Variants in COLEC12 observed in about 807,000 individuals in gnomAD.
COLEC12 encodes the protein collectin subfamily member 12.
Under a neutral mutation model 71.1 loss-of-function variants are expected in COLEC12, and 33 were observed. The observed-to-expected ratio is 0.46, with a 90% CI of 0.35 to 0.62. COLEC12 has a LOEUF of 0.62. Among genes scored for constraint, COLEC12 ranks in the 20% least tolerant of loss-of-function variants. COLEC12 has a pLI of 0.00. For synonymous variants in COLEC12, 350 were observed against 353.0 expected (o/e 0.99, Z 0.10); for missense variants, 765 against 916.1 (o/e 0.84, Z 2.13).
At chr18:496,199 G>C (rs896022531) in intron 1 of COLEC12, among the ~76,000 whole-genome samples, 4 of 152,172 alleles carry the variant, frequency 2.6e-5, no homozygotes. Context: ...GAGATACTCT[G>C]TTATGACATA....
At chr18:337,240 G>T (rs62089625) in intron 5 of COLEC12, among the ~76,000 whole-genome samples, 16,160 of 151,482 alleles carry the variant, frequency 0.11, 1,038 homozygotes, top group South Asian at 0.17. Flanking sequence ...ATGGAGGATG[G>T]ATGGCAGATC....
At chr18:410,357 A>G (rs1013536448) in intron 2 of COLEC12, among the ~76,000 whole-genome samples, 2 of 152,210 alleles carry the variant, frequency 1.3e-5, no homozygotes, top group Admixed American at 6.5e-5. Context: ...GGAAACAAAC[A>G]TAAGAAGACT....
At chr18:443,904 T>C (rs1338346428) in intron 2 of COLEC12, among the ~76,000 whole-genome samples, 1 of 152,028 alleles carries the variant, frequency 6.6e-6, no homozygotes, top group African/African-American at 2.4e-5. Context: ...GTGTGGAGTC[T>C]CCTCCCCACT....
Position 378,974 on chromosome 18 carries a change from G to A in COLEC12, c.59-21452C>T, listed in dbSNP as rs574837075. 2.6e-5 allele frequency among the ~76,000 whole-genome samples: 4 copies of A among 152,212 alleles called. No individual in the cohort carries two copies. The South Asian group carries it at 8.3e-4, about 32-fold the overall frequency. ...CCAGCCATAATCCTGAATGGCCTTG[G>A]GTGAGGATTGAGCCACGCCGGTGGA... On this transcript the variant is annotated intron_variant, in intron 2 of 9. Transcript: ENST00000400256.
At chr18:369,436 T>TA (rs1201717552) in intron 2 of COLEC12, among the ~76,000 whole-genome samples, 1 of 129,142 alleles carries the variant, frequency 7.7e-6, no homozygotes, top group African/African-American at 2.9e-5. Flanking sequence ...TTTTTATTTT[T>TA]TTTTGGAATA....
At chr18:427,987 G>A (rs752953525) in intron 2 of COLEC12, among the ~76,000 whole-genome samples, 1 of 152,124 alleles carries the variant, frequency 6.6e-6, no homozygotes, top group East Asian at 1.9e-4. Flanking sequence ...TTTCCTGGCC[G>A]GGCGTGGTGG....
At chr18:412,212 C>G (rs1298864930) in intron 2 of COLEC12, among the ~76,000 whole-genome samples, 2 of 151,962 alleles carry the variant, frequency 1.3e-5, no homozygotes, top group African/African-American at 4.8e-5. Context: ...ATTTTAAAAG[C>G]AGCAAGATAA....
chr18:379,818 C>T (rs543739905), intron 2 of COLEC12, among the ~76,000 whole-genome samples: 9 of 152,096 alleles, frequency 5.9e-5, no homozygotes, highest in Middle Eastern at 3.4e-3. Context: ...TTCATCAACC[C>T]GACATGTGAG....
At chr18:445,994 A>G (rs1212941446) in intron 2 of COLEC12, among the ~76,000 whole-genome samples, 1 of 152,180 alleles carries the variant, frequency 6.6e-6, no homozygotes, top group African/African-American at 2.4e-5. Flanking sequence ...TGGAATCATA[A>G]TATGTGGCCT....
chr18:385,433 T>C (rs1042725082), intron 2 of COLEC12, among the ~76,000 whole-genome samples: 1 of 150,658 alleles, frequency 6.6e-6, no homozygotes, highest in Non-Finnish European at 1.5e-5. Context: ...CAAGCGATTC[T>C]CCTGCCTCAG....
At chr18:494,212 A>G (rs1176970571) in intron 1 of COLEC12, among the ~76,000 whole-genome samples, 1 of 152,180 alleles carries the variant, frequency 6.6e-6, no homozygotes, top group Non-Finnish European at 1.5e-5. Context: ...TCTATCCCTG[A>G]GGTCTGTTTT....
At chr18:348,768 T>C (rs1482661196) in intron 3 of COLEC12, among the ~76,000 whole-genome samples, 1 of 152,254 alleles carries the variant, frequency 6.6e-6, no homozygotes, top group Non-Finnish European at 1.5e-5. Context: ...AGTTCTCAAG[T>C]AGATGCCTGA....
chr18:352,506 T>TA (rs1458091139), intron 3 of COLEC12, among the ~76,000 whole-genome samples: 1 of 151,920 alleles, frequency 6.6e-6, no homozygotes, highest in African/African-American at 2.4e-5. Flanking sequence ...ATACATTCAT[T>TA]AAAAAAAAGA....
At chr18:320,580 C>T (rs1014513185) in intron 9 of COLEC12, among the ~76,000 whole-genome samples, 2 of 152,180 alleles carry the variant, frequency 1.3e-5, no homozygotes, top group South Asian at 2.1e-4. Context: ...TTTATATGAA[C>T]AGCTTTATTG....
At chr18:335,277 G>A (rs767654702) in intron 5 of COLEC12, 47 bp from the exon 6 acceptor site, 2 of 1,539,172 alleles carry the variant, frequency 1.3e-6, no homozygotes, top group South Asian at 1.2e-5. Context: ...CACTGTGAAT[G>A]ATAGTTATGA....
At position 346,169 on chromosome 18, in the gene COLEC12, G is replaced by T; in HGVS notation, c.1327+126C>A. The T allele has an allele frequency of 1.4e-6, 1 of 712,740 alleles. No individual in the cohort carries two copies. The highest frequency in any genetic ancestry group is 2.3e-6 in the Non-Finnish European group (1 of 436,042). The allele number at this position is 712,740 out of a possible 1,614,324, so 44.2% of individuals were successfully genotyped here. A position where few individuals can be genotyped will look rare whatever the true frequency, so the allele number is the denominator to read the frequency against. On this transcript the variant is annotated intron_variant, in intron 5 of 9. Transcript: ENST00000400256. This position sits in a 1 kb window ranked among gnomAD's most constrained non-coding sequence, Gnocchi z 4.0. ...AGGACCATCTAGCTAAGCTGCTCTT[G>T]AATTCCTGGTCCACAAAAACTATGA...
At chr18:364,395 A>G (rs1486017207) in intron 2 of COLEC12, among the ~76,000 whole-genome samples, 1 of 152,180 alleles carries the variant, frequency 6.6e-6, no homozygotes, top group African/African-American at 2.4e-5. Context: ...AATGCTTTCA[A>G]TTCCAAGGAG....
Position 346,869 on chromosome 18 carries a change from G to T in COLEC12, c.753C>A (p.Ala251=), listed in dbSNP as rs1314980272. ...CCTTCAGCCAATCCGTGTCCTTCTTGGCTTGAAGAAAAACCTGCTGCAGAT... is the reference window on the plus strand; with the variant it reads ...CCTTCAGCCAATCCGTGTCCTTCTTTGCTTGAAGAAAAACCTGCTGCAGAT... ...FQNLQQVFLQ[A]KKDTDWLKEK... Residue 251 remains alanine (A), a synonymous_variant, in exon 5 of 10, where the codon GCC becomes GCA. Coordinates refer to ENST00000400256, the MANE Select transcript of COLEC12 (RefSeq NM_130386.3). This position sits in a 1 kb window ranked among gnomAD's most constrained non-coding sequence, Gnocchi z 4.0. 1 of 1,614,146 alleles carries T rather than the reference G, an allele frequency of 6.2e-7. No individual in the cohort carries two copies. The highest frequency in any genetic ancestry group is 8.5e-7 in the Non-Finnish European group (1 of 1,179,998).
At chr18:371,425 G>A (rs536471546) in intron 2 of COLEC12, among the ~76,000 whole-genome samples, 3 of 152,166 alleles carry the variant, frequency 2.0e-5, no homozygotes, top group South Asian at 4.2e-4. Context: ...TCCCAGACAC[G>A]CCGCAACTGG....
Sources: allele counts gnomAD v4.1 joint callset (sites outside exome capture counted in the v4.1 genomes callset), GRCh38; gene constraint gnomAD v4.1.1; non-coding constraint Gnocchi (gnomAD v3.1); transcripts MANE v1.5; gene names NCBI Gene and HGNC (gene_info 2026-07-23, HGNC 2026-07-21).